Variants in MAPDA observed in about 807,000 individuals in gnomAD.
MAPDA encodes the protein N6,N6-dimethyl-AMP deaminase.
the MAPDA span, among the ~76,000 whole-genome samples, chr15:43,350,181 C>G: frequency 6.6e-6 from 1 of 151,974 alleles, no homozygotes; most frequent in Non-Finnish European, 1.5e-5. Flanking sequence ...TTCTCCTTCC[C>G]CAGCCTCCTG....
the MAPDA span, among the ~76,000 whole-genome samples, chr15:43,346,594 A>C: frequency 1.7e-3 from 253 of 152,310 alleles, no homozygotes; most frequent in Non-Finnish European, 3.2e-3. Flanking sequence ...GTCCCATGAA[A>C]TTGATTCTTA....
chr15:43,344,454 G>A, the MAPDA span, among the ~76,000 whole-genome samples: 880 of 152,082 alleles, frequency 5.8e-3, 3 homozygotes, highest in Admixed American at 0.01. Flanking sequence ...AATTTATTTC[G>A]TCAATAAATA....
At chr15:43,351,038 C>T in the MAPDA span, 1 of 1,551,258 alleles carries the variant, frequency 6.4e-7, no homozygotes, top group African/African-American at 1.4e-5. Flanking sequence ...CTTCTGTGAT[C>T]TGTGTAAGGT....
the MAPDA span, chr15:43,349,426 T>C: frequency 1.3e-6 from 1 of 796,256 alleles, no homozygotes. Flanking sequence ...TATTTTCACA[T>C]GTCTGTTGAT....
chr15:43,342,653 G>A, the MAPDA span, among the ~76,000 whole-genome samples: 1 of 151,718 alleles, frequency 6.6e-6, no homozygotes, highest in Non-Finnish European at 1.5e-5. Flanking sequence ...AGGAGGCTGA[G>A]GTGGCAGGAT....
At chr15:43,350,264 G>C in the MAPDA span, among the ~76,000 whole-genome samples, 1 of 147,484 alleles carries the variant, frequency 6.8e-6, no homozygotes, top group African/African-American at 2.5e-5. Context: ...TTTTTTAGTA[G>C]AGATGGGGTT....
At chr15:43,351,261 G>T in the MAPDA span, 2 of 496,250 alleles carry the variant, frequency 4.0e-6, no homozygotes, top group African/African-American at 2.0e-5. Flanking sequence ...AGGAGGAGGA[G>T]GTTGCAGTGA....
the MAPDA span, chr15:43,334,907 G>A: frequency 2.1e-6 from 1 of 476,072 alleles, no homozygotes; most frequent in East Asian, 4.0e-5. Flanking sequence ...CTGTTTCTTT[G>A]CTTTTACATC....
the MAPDA span, among the ~76,000 whole-genome samples, chr15:43,341,663 AC>A: frequency 6.7e-6 from 1 of 150,146 alleles, no homozygotes; most frequent in Non-Finnish European, 1.5e-5. Context: ...GCATCATAAG[AC>A]CCCCCCCACC....
At chr15:43,336,127 G>A in the MAPDA span, among the ~76,000 whole-genome samples, 2 of 152,092 alleles carry the variant, frequency 1.3e-5, no homozygotes, top group Non-Finnish European at 2.9e-5. Flanking sequence ...CTGCTGCCTT[G>A]ACCTCTGGGG....
the MAPDA span, chr15:43,330,587 C>T: frequency 1.5e-6 from 2 of 1,377,080 alleles, no homozygotes; most frequent in Non-Finnish European, 1.9e-6. Context: ...AAAAAACCAC[C>T]CATGCTCCTG....
chr15:43,354,151 G>C, the MAPDA span: 2 of 152,134 alleles, frequency 1.3e-5, no homozygotes, highest in South Asian at 2.1e-4. Context: ...CTTGCTTGAT[G>C]GTGGGGAAAA....
At chr15:43,351,753 T>G in the MAPDA span, 1 of 1,533,314 alleles carries the variant, frequency 6.5e-7, no homozygotes, top group Non-Finnish European at 8.8e-7. Flanking sequence ...GTTGGCAGAC[T>G]GATGATAAGG....
chr15:43,346,901 G>T, the MAPDA span: 1 of 796,090 alleles, frequency 1.3e-6, no homozygotes, highest in South Asian at 1.6e-5. Context: ...ATGTGCAAAT[G>T]AATTAATCTA....
chr15:43,340,462 T>C, the MAPDA span: 1 of 837,230 alleles, frequency 1.2e-6, no homozygotes, highest in East Asian at 2.6e-5. Flanking sequence ...TATTGTGTTG[T>C]TCTGTATTTC....
At chr15:43,334,633 T>TTTTATATATATATATATATATATATATA in the MAPDA span, among the ~76,000 whole-genome samples, 1 of 65,142 alleles carries the variant, frequency 1.5e-5, no homozygotes, top group African/African-American at 3.3e-5. Context: ...CTCAAAAAAA[T>TTTTATATATATATATATATATATATATA]TATATATATA....
the MAPDA span, among the ~76,000 whole-genome samples, chr15:43,350,232 ATT>A: frequency 3.7e-4 from 51 of 138,532 alleles, no homozygotes; most frequent in Admixed American, 5.1e-4. Flanking sequence ...CGCCCAGCTA[ATT>A]TTTTTTTTTT....
chr15:43,348,931 C>CA, the MAPDA span: 1 of 1,613,890 alleles, frequency 6.2e-7, no homozygotes, highest in Non-Finnish European at 8.5e-7. Flanking sequence ...AAAAGAAACA[C>CA]AAATACTCCT....
chr15:43,347,179 G>A, the MAPDA span: 16 of 1,133,090 alleles, frequency 1.4e-5, no homozygotes, highest in Admixed American at 6.8e-5. Context: ...GGAATAAACC[G>A]GGATTGGAAA....
Sources: allele counts gnomAD v4.1 joint callset (sites outside exome capture counted in the v4.1 genomes callset), GRCh38; gene constraint gnomAD v4.1.1; transcripts MANE v1.5; gene names NCBI Gene and HGNC (gene_info 2026-07-23, HGNC 2026-07-21).